Variants in TANC1 observed in about 807,000 individuals in gnomAD.
TANC1 encodes the protein protein TANC1.
In TANC1, 77 loss-of-function variants were observed where a neutral mutation model predicts 149.7. The ratio of observed to expected loss-of-function variants is 0.51; its 90% CI spans 0.43 to 0.62. TANC1 has a LOEUF of 0.62. TANC1 is among the 20% of genes least tolerant of loss of function. The pLI, the probability that TANC1 is intolerant of heterozygous loss-of-function variation, is 0.00. For missense variants in TANC1, 1,985 were observed against 2,321.8 expected, an observed-to-expected ratio of 0.85 and a Z score of 2.98; for synonymous variants, 854 against 925.0, an observed-to-expected ratio of 0.92 and a Z score of 1.39.
At chr2:159,108,688 G>A (rs986041464) in intron 4 of TANC1, among the ~76,000 whole-genome samples, 5 of 152,212 alleles carry the variant, frequency 3.3e-5, no homozygotes, top group African/African-American at 9.6e-5. Context: ...AGGACTGCGC[G>A]TGCGTCTGCG....
chr2:159,068,188 G>A (rs899347978), intron 3 of TANC1, among the ~76,000 whole-genome samples: 1 of 152,146 alleles, frequency 6.6e-6, no homozygotes, highest in African/African-American at 2.4e-5. Flanking sequence ...GGAAATACTT[G>A]GAATTTGACC....
In TANC1 at chr2:159,178,654, G is replaced by T. The variant is rs1408768070; in HGVS notation, c.2001G>T (p.Arg667Ser). The T allele has an allele frequency of 1.2e-6, 2 of 1,614,036 alleles. No homozygotes were observed. The highest frequency in any genetic ancestry group is 1.7e-6 in the Non-Finnish European group (2 of 1,180,042). The change falls in exon 14 of 27, where the codon AGG (arginine) becomes AGT (serine). Residue 667 changes from arginine to serine, a missense_variant. This residue lies in a region of TANC1 where 508 missense variants were observed against 714.2 expected (regional missense o/e 0.71). Coordinates refer to ENST00000263635, the MANE Select transcript of TANC1 (RefSeq NM_033394.3). ...HSDLHAYVQHRVHSSQDILSN... is the reference protein window; with the variant it reads ...HSDLHAYVQHSVHSSQDILSN... ...ACCTGCACGCCTACGTCCAGCACAG[G>T]GTGCACAGCAGCCAGGACATCCTCA...
At chr2:159,054,670 A>G (rs1205534950) in intron 2 of TANC1, among the ~76,000 whole-genome samples, 1 of 152,184 alleles carries the variant, frequency 6.6e-6, no homozygotes, top group Non-Finnish European at 1.5e-5. Context: ...TAATTTCCTT[A>G]GGTTTATAAT....
At chr2:159,072,342 A>G (rs1421014748) in intron 3 of TANC1, among the ~76,000 whole-genome samples, 1 of 152,176 alleles carries the variant, frequency 6.6e-6, no homozygotes, top group Non-Finnish European at 1.5e-5. Context: ...TTCCTTCATC[A>G]GATTTTCTTT....
intron 7 of TANC1, among the ~76,000 whole-genome samples, chr2:159,154,228 T>A (rs2053178829): frequency 6.6e-6 from 1 of 152,126 alleles, no homozygotes; most frequent in South Asian, 2.1e-4. Context: ...TCAGAGCAGT[T>A]TGGGGAAATT....
chr2:158,987,312 G>C (rs889716147), intron 1 of TANC1, among the ~76,000 whole-genome samples: 6 of 151,578 alleles, frequency 4.0e-5, no homozygotes, highest in African/African-American at 1.5e-4. Flanking sequence ...GATCACTTGA[G>C]CTTAGGAGTT....
At chr2:159,160,134 G>T (rs1157004398) in intron 7 of TANC1, among the ~76,000 whole-genome samples, 1 of 152,180 alleles carries the variant, frequency 6.6e-6, no homozygotes, top group East Asian at 1.9e-4. Flanking sequence ...TAAAATTTAA[G>T]GCCTGATAAG....
At chr2:159,012,527 A>T (rs923478600) in intron 2 of TANC1, among the ~76,000 whole-genome samples, 6 of 151,956 alleles carry the variant, frequency 3.9e-5, no homozygotes, top group Admixed American at 3.9e-4. Flanking sequence ...AGTCTCTGCC[A>T]CACAAGAGAC....
At chr2:159,071,796 G>A (rs1218937179) in intron 3 of TANC1, among the ~76,000 whole-genome samples, 1 of 152,156 alleles carries the variant, frequency 6.6e-6, no homozygotes, top group Non-Finnish European at 1.5e-5. Flanking sequence ...TGACTCTCTT[G>A]CTGAGCTATG....
At chr2:159,061,481 G>T (rs74479880) in intron 2 of TANC1, among the ~76,000 whole-genome samples, 7,114 of 152,284 alleles carry the variant, frequency 0.047, 520 homozygotes, top group African/African-American at 0.16. Flanking sequence ...GGACAAGCAG[G>T]CCTTGCTAAG....
intron 5 of TANC1, among the ~76,000 whole-genome samples, chr2:159,141,351 A>C (rs1375959860): frequency 5.9e-5 from 9 of 152,248 alleles, no homozygotes; most frequent in Admixed American, 5.9e-4. Context: ...GACTGGAAAG[A>C]GACTACGGTT....
chr2:159,050,081 A>ATTTT (rs1354353219), intron 2 of TANC1, among the ~76,000 whole-genome samples: 1 of 152,174 alleles, frequency 6.6e-6, no homozygotes, highest in Non-Finnish European at 1.5e-5. Context: ...CTTTCAGAAG[A>ATTTT]GTAAGTCAAA....
intron 1 of TANC1, among the ~76,000 whole-genome samples, chr2:158,979,713 C>T (rs1483004991): frequency 6.6e-6 from 1 of 152,024 alleles, no homozygotes; most frequent in African/African-American, 2.4e-5. Context: ...TTTGAAATAT[C>T]TTAAGGTAGT....
At chr2:159,120,957 C>G (rs2048789698) in intron 4 of TANC1, among the ~76,000 whole-genome samples, 1 of 151,178 alleles carries the variant, frequency 6.6e-6, no homozygotes, top group African/African-American at 2.4e-5. Flanking sequence ...CCCCTCATCT[C>G]AGGATCCTTA....
chr2:159,218,101 T>G (rs969752677), intron 20 of TANC1, among the ~76,000 whole-genome samples: 4 of 152,126 alleles, frequency 2.6e-5, no homozygotes, highest in African/African-American at 9.7e-5. Context: ...TTTTTTACTA[T>G]GAAATGATGT....
At position 159,225,694 on chromosome 2, in the gene TANC1, C is replaced by G. The variant is rs1304137306; in HGVS notation, c.3818C>G (p.Ala1273Gly). 6.2e-6 allele frequency: 10 copies of G among 1,613,852 alleles called. No homozygotes were observed. The South Asian group carries it at 9.9e-5, about 16-fold the overall frequency. ...ATGCGTGTTTGTTTTGCAGGAAATG[C>G]TGCTTGGGCGATGGCCACTTCCAAA... ...LLRKGAKLGN[A>G]AWAMATSKPD... is the part of the protein sequence containing the mutation. Residue 1273 changes from alanine (A) to glycine (G), a missense_variant, in exon 24 of 27, where the codon GCT becomes GGT. Physicochemically the swap from Ala to Gly is moderately conservative, Grantham distance 60 (BLOSUM62 0). Transcript: ENST00000263635.
intron 2 of TANC1, among the ~76,000 whole-genome samples, chr2:159,058,725 G>A (rs1031563024): frequency 6.6e-6 from 1 of 152,140 alleles, no homozygotes; most frequent in Non-Finnish European, 1.5e-5. Flanking sequence ...CTTCTTTATC[G>A]TCTCCTCCAA....
chr2:159,062,973 C>CAAAAAAAAAAAAAAAAAAAAAAAAAAAAA (rs58675911), intron 2 of TANC1, among the ~76,000 whole-genome samples: 6 of 41,208 alleles, frequency 1.5e-4, no homozygotes, highest in Admixed American at 2.8e-4. Context: ...GACTCCGTCT[C>CAAAAAAAAAAAAAAAAAAAAAAAAAAAAA]AAAAAAAAAA....
intron 10 of TANC1, among the ~76,000 whole-genome samples, chr2:159,171,185 C>T (rs1461435228): frequency 6.6e-6 from 1 of 152,206 alleles, no homozygotes; most frequent in Admixed American, 6.5e-5. Flanking sequence ...CCCTGTTTGG[C>T]ACAGCCTTCG....
Sources: allele counts gnomAD v4.1 joint callset (sites outside exome capture counted in the v4.1 genomes callset), GRCh38; gene constraint gnomAD v4.1.1; regional missense constraint gnomAD v4.1.1; transcripts MANE v1.5; gene names NCBI Gene and HGNC (gene_info 2026-07-23, HGNC 2026-07-21).